NRF1: variants seen among roughly 807,000 people sequenced by gnomAD.
NRF1 encodes the protein alpha palindromic-binding protein.
In NRF1, 5 loss-of-function variants were observed where a neutral mutation model predicts 58.5. The observed-to-expected ratio is 0.09, with a 90% confidence interval of 0.04 to 0.18. NRF1 has a LOEUF of 0.18. Ranked by LOEUF, NRF1 falls within the 10% of genes least tolerant of loss-of-function variation. NRF1 has a pLI of 1.00. For synonymous variants in NRF1, 224 were observed against 246.7 expected (o/e 0.91, Z 0.86); for missense variants, 288 against 657.7 (o/e 0.44, Z 6.15).
chr7:129,690,645 C>T (rs1378949399), intron 5 of NRF1, 99 bp downstream of exon 5: 3 of 1,292,896 alleles, frequency 2.3e-6, no homozygotes, highest in Non-Finnish European at 2.2e-6. Flanking sequence ...GTGATCTGAC[C>T]AGGGAGTGAG....
intron 10 of NRF1, among the ~76,000 whole-genome samples, chr7:129,749,296 T>C (rs1804055805): frequency 1.3e-5 from 2 of 152,062 alleles, no homozygotes; most frequent in African/African-American, 4.8e-5. Context: ...AGCTGGTGCA[T>C]TGGATGTGTG....
chr7:129,699,780 G>A (rs996475378), intron 5 of NRF1, among the ~76,000 whole-genome samples: 2 of 151,610 alleles, frequency 1.3e-5, no homozygotes, highest in Non-Finnish European at 2.9e-5. Flanking sequence ...AGGGACCATG[G>A]GGAGGTAGAA....
intron 4 of NRF1, 80 bp downstream of exon 4, chr7:129,677,838 T>C: frequency 2.6e-6 from 4 of 1,552,868 alleles, no homozygotes; most frequent in African/African-American, 2.7e-5. Flanking sequence ...CTGTCAAGTA[T>C]AACAGTTGGC....
At chr7:129,752,248 G>A (rs1804135575) in intron 10 of NRF1, among the ~76,000 whole-genome samples, 1 of 152,154 alleles carries the variant, frequency 6.6e-6, no homozygotes, top group African/African-American at 2.4e-5. Flanking sequence ...GGTTCCACAA[G>A]GAGGGAAAGC....
At chr7:129,670,902 C>A (rs1311976303) in intron 2 of NRF1, among the ~76,000 whole-genome samples, 5 of 152,092 alleles carry the variant, frequency 3.3e-5, no homozygotes, top group Admixed American at 2.6e-4. Flanking sequence ...AAAATTTTTT[C>A]AATTAAGATG....
chr7:129,707,596 G>A (rs1376726094), intron 5 of NRF1, among the ~76,000 whole-genome samples: 1 of 152,202 alleles, frequency 6.6e-6, no homozygotes, highest in East Asian at 1.9e-4. Flanking sequence ...ACTTTGAGAT[G>A]TACTTTCTTA....
intron 1 of NRF1, among the ~76,000 whole-genome samples, chr7:129,632,023 C>G (rs1362157791): frequency 2.0e-5 from 3 of 152,100 alleles, no homozygotes; most frequent in Non-Finnish European, 4.4e-5. Flanking sequence ...GTCTGTAATC[C>G]CAGCTACTTG....
chr7:129,648,769 C>T (rs1326144722), intron 1 of NRF1, among the ~76,000 whole-genome samples: 3 of 152,120 alleles, frequency 2.0e-5, no homozygotes, highest in African/African-American at 4.8e-5. Context: ...GTCCCTCTCC[C>T]GCCTCCAAAT....
chr7:129,612,152 G>A (rs1800546191), intron 1 of NRF1, among the ~76,000 whole-genome samples: 1 of 150,758 alleles, frequency 6.6e-6, no homozygotes, highest in African/African-American at 2.4e-5. Context: ...CCCCGCCGTG[G>A]AACCCGGGGC....
intron 1 of NRF1, among the ~76,000 whole-genome samples, chr7:129,612,880 T>C (rs1356892232): frequency 6.6e-6 from 1 of 152,216 alleles, no homozygotes; most frequent in African/African-American, 2.4e-5. Context: ...GAACTTGAAG[T>C]TGTTTAAAAA....
intron 10 of NRF1, among the ~76,000 whole-genome samples, chr7:129,737,664 C>CTG (rs1803749535): frequency 6.6e-6 from 1 of 152,144 alleles, no homozygotes; most frequent in South Asian, 2.1e-4. Flanking sequence ...AATTTAGGAA[C>CTG]TGTATTATTG....
intron 9 of NRF1, among the ~76,000 whole-genome samples, chr7:129,718,334 G>A (rs1803238803): frequency 6.6e-6 from 1 of 152,200 alleles, no homozygotes; most frequent in Non-Finnish European, 1.5e-5. Flanking sequence ...TGAACTCTCA[G>A]TAGCCAGGCT....
chr7:129,648,873 T>C (rs1259592969), intron 1 of NRF1, among the ~76,000 whole-genome samples: 5 of 152,088 alleles, frequency 3.3e-5, no homozygotes, highest in Non-Finnish European at 5.9e-5. Context: ...TTTTGGTCTG[T>C]AGTCGGGGTC....
At chr7:129,715,181 C>G (rs1032971262) in intron 8 of NRF1, among the ~76,000 whole-genome samples, 1 of 152,114 alleles carries the variant, frequency 6.6e-6, no homozygotes, top group Non-Finnish European at 1.5e-5. Context: ...AGTTCTGTAC[C>G]CCAGACCAGA....
At chr7:129,672,695 A>G (rs1802077763) in intron 3 of NRF1, among the ~76,000 whole-genome samples, 1 of 152,184 alleles carries the variant, frequency 6.6e-6, no homozygotes, top group Admixed American at 6.5e-5. Context: ...TCTGATTACT[A>G]GAAGGATTGC....
intron 1 of NRF1, among the ~76,000 whole-genome samples, chr7:129,625,712 C>T (rs570085294): frequency 4.1e-4 from 49 of 118,240 alleles, no homozygotes; most frequent in Non-Finnish European, 7.3e-4. Context: ...GACGGAGTCT[C>T]GCTCTGTTGC....
intron 10 of NRF1, among the ~76,000 whole-genome samples, chr7:129,747,704 A>G (rs1804013265): frequency 6.6e-6 from 1 of 152,226 alleles, no homozygotes; most frequent in African/African-American, 2.4e-5. Flanking sequence ...ATTCACATGT[A>G]GGTCTTTCTG....
intron 9 of NRF1, among the ~76,000 whole-genome samples, chr7:129,720,510 C>T (rs113813894): frequency 0.033 from 5,002 of 152,236 alleles, 263 homozygotes; most frequent in African/African-American, 0.11. Flanking sequence ...TCATAATCTG[C>T]CCTCTTGCAG....
intron 10 of NRF1, among the ~76,000 whole-genome samples, chr7:129,737,334 A>G (rs1273422166): frequency 6.6e-6 from 1 of 152,228 alleles, no homozygotes; most frequent in Non-Finnish European, 1.5e-5. Flanking sequence ...TCTTCTGCAC[A>G]TAGTTTGCGG....
Sources: allele counts gnomAD v4.1 joint callset (sites outside exome capture counted in the v4.1 genomes callset), GRCh38; gene constraint gnomAD v4.1.1; transcripts MANE v1.5; gene names NCBI Gene and HGNC (gene_info 2026-07-23, HGNC 2026-07-21).